ARID1B: variants seen among roughly 807,000 people sequenced by gnomAD.
ARID1B encodes the protein AT-rich interactive domain-containing protein 1B.
A neutral mutation model predicts 212.3 loss-of-function variants in ARID1B; 30 were observed. The observed-to-expected ratio is 0.14, with a 90% CI of 0.11 to 0.19. The LOEUF is 0.19. ARID1B is among the 10% of genes least tolerant of loss of function. The pLI is 1.00. For synonymous variants in ARID1B, 1,402 were observed against 1,301.7 expected (o/e 1.08, Z -1.66); for missense variants, 2,891 against 3,204.0 (o/e 0.90, Z 2.36).
At chr6:156,863,311 C>G (rs1419093656) in intron 2 of ARID1B, among the ~76,000 whole-genome samples, 2 of 151,962 alleles carry the variant, frequency 1.3e-5, no homozygotes, top group African/African-American at 4.8e-5. Context: ...AGAGGACTAA[C>G]GAGGCAGGAC....
At chr6:157,084,980 A>T (rs2128464021) in intron 5 of ARID1B, 75 bp downstream of exon 5, 1 of 1,509,468 alleles carries the variant, frequency 6.6e-7, no homozygotes, top group Admixed American at 2.1e-5. Flanking sequence ...AGTAACTCAC[A>T]TTACTTTACT....
intron 4 of ARID1B, among the ~76,000 whole-genome samples, chr6:157,073,887 T>C (rs1784139187): frequency 1.3e-5 from 2 of 152,206 alleles, no homozygotes; most frequent in South Asian, 4.1e-4. Context: ...GTTAACTCTC[T>C]CAACACTGTG....
intron 2 of ARID1B, among the ~76,000 whole-genome samples, chr6:156,861,022 C>T (rs1162720833): frequency 2.6e-5 from 4 of 152,244 alleles, no homozygotes; most frequent in African/African-American, 9.6e-5. Flanking sequence ...AGCAGAGCCA[C>T]GTAGTAGGTC....
intron 2 of ARID1B, 141 bp from the exon 3 acceptor site, chr6:156,901,235 T>C: frequency 4.1e-6 from 4 of 979,432 alleles, no homozygotes; most frequent in Non-Finnish European, 4.6e-6. Context: ...TGTCGATTTG[T>C]TTAAGGAAGA....
chr6:156,873,451 C>A (rs532304585), intron 2 of ARID1B, among the ~76,000 whole-genome samples: 18 of 152,218 alleles, frequency 1.2e-4, no homozygotes, highest in African/African-American at 4.1e-4. Flanking sequence ...TATTTAGTCA[C>A]AAATATTTTT....
chr6:156,779,553 C>G (rs1779045798), intron 1 of ARID1B, 82 bp downstream of exon 1: 2 of 1,175,226 alleles, frequency 1.7e-6, no homozygotes, highest in Non-Finnish European at 2.1e-6. Context: ...TTGCCGCGTA[C>G]TTTTCCCCGT....
At chr6:156,954,247 C>G (rs976433826) in intron 4 of ARID1B, among the ~76,000 whole-genome samples, 2 of 150,968 alleles carry the variant, frequency 1.3e-5, no homozygotes, top group Non-Finnish European at 3.0e-5. Context: ...ATCAAGATGT[C>G]TCTTTGGTTT....
At chr6:157,109,189 G>A (rs964540888) in intron 5 of ARID1B, among the ~76,000 whole-genome samples, 1 of 152,126 alleles carries the variant, frequency 6.6e-6, no homozygotes, top group Non-Finnish European at 1.5e-5. Context: ...CCACAAGAGG[G>A]TTGGTTGTTG....
chr6:156,806,218 C>T (rs1383362257), intron 1 of ARID1B, among the ~76,000 whole-genome samples: 2 of 152,136 alleles, frequency 1.3e-5, no homozygotes, highest in African/African-American at 4.8e-5. Flanking sequence ...GATAAACTCA[C>T]GTTCAGCACA....
At chr6:157,000,902 C>T (rs891737584) in intron 4 of ARID1B, among the ~76,000 whole-genome samples, 1 of 151,920 alleles carries the variant, frequency 6.6e-6, no homozygotes, top group African/African-American at 2.4e-5. Context: ...ACTACGTTGG[C>T]CAGGCTGGTC....
chr6:157,057,050 T>G (rs917325142), intron 4 of ARID1B, among the ~76,000 whole-genome samples: 24 of 152,014 alleles, frequency 1.6e-4, no homozygotes, highest in Middle Eastern at 3.4e-3. Context: ...TTGCTCAGGC[T>G]GGAGTGCAGT....
chr6:157,129,125 T>G (rs1191933062), intron 6 of ARID1B, among the ~76,000 whole-genome samples: 2 of 152,264 alleles, frequency 1.3e-5, no homozygotes, highest in African/African-American at 4.8e-5. Context: ...ATTAACATTA[T>G]AATGTCTTAA....
intron 1 of ARID1B, among the ~76,000 whole-genome samples, chr6:156,795,953 C>T (rs1780344106): frequency 6.6e-6 from 1 of 152,212 alleles, no homozygotes; most frequent in Admixed American, 6.5e-5. Flanking sequence ...AGCGGTCCTG[C>T]TGGGGTTCCT....
At chr6:157,204,233 T>C in intron 19 of ARID1B, 1 of 438,094 alleles carries the variant, frequency 2.3e-6, no homozygotes, top group East Asian at 3.8e-5. Flanking sequence ...ACAGTGACTG[T>C]GTGTGTATGT....
At chr6:157,072,206 G>A (rs1431127001) in intron 4 of ARID1B, 2 of 152,060 alleles carry the variant, frequency 1.3e-5, no homozygotes, top group East Asian at 1.9e-4. Flanking sequence ...GTTCACCTTC[G>A]AGTGGGCATA....
intron 1 of ARID1B, among the ~76,000 whole-genome samples, chr6:156,787,899 A>G (rs891535209): frequency 6.6e-6 from 1 of 152,064 alleles, no homozygotes; most frequent in East Asian, 1.9e-4. Flanking sequence ...GCACTCCAGC[A>G]GGGGGTCAGT....
At chr6:156,976,754 C>A (rs1171231953) in intron 4 of ARID1B, 2 of 517,036 alleles carry the variant, frequency 3.9e-6, no homozygotes, top group South Asian at 2.9e-5. Context: ...AGGTCCGCAG[C>A]TTCATTCATC....
intron 4 of ARID1B, among the ~76,000 whole-genome samples, chr6:156,952,599 G>T (rs936142539): frequency 5.3e-5 from 8 of 152,192 alleles, no homozygotes; most frequent in African/African-American, 1.9e-4. Flanking sequence ...CCGGTGAGCA[G>T]TGGGGGCAGG....
chr6:156,820,623 G>A (rs1194392899), intron 1 of ARID1B, among the ~76,000 whole-genome samples: 1 of 152,144 alleles, frequency 6.6e-6, no homozygotes, highest in Non-Finnish European at 1.5e-5. Flanking sequence ...GAGTGTGACC[G>A]TATTCTGTTG....
Sources: gnomAD v4.1 joint callset for allele counts (sites outside exome capture counted in the v4.1 genomes callset) on GRCh38, gnomAD v4.1.1 for gene constraint, MANE v1.5 for transcripts, NCBI Gene and HGNC (gene_info 2026-07-23, HGNC 2026-07-21) for gene names.